The following DIP2B variants were observed in gnomAD, a reference collection of about 807,000 sequenced individuals.
DIP2B encodes DIP2 acetate--CoA ligase B (putative).
DIP2B carries 76 observed loss-of-function variants against 198.0 expected under a neutral mutation model. The observed-to-expected ratio is 0.38, with a 90% confidence interval of 0.32 to 0.46. DIP2B has a LOEUF of 0.46. DIP2B is among the 20% of genes least tolerant of loss of function. DIP2B has a pLI of 0.99. For synonymous variants in DIP2B, 701 were observed against 739.1 expected (o/e 0.95, Z 0.84); for missense variants, 1,559 against 1,978.4 (o/e 0.79, Z 4.02).
rs1195681263 is a variant in DIP2B at position 50,505,098 on chromosome 12, G to C, written c.-43G>C. 1 of 1,513,344 alleles carries C rather than the reference G, an allele frequency of 6.6e-7. No homozygotes were observed. Among genetic ancestry groups the C allele is most frequent in the Admixed American group, 2.0e-5 (1 of 50,516 alleles). The allele number at this position is 1,513,344 out of a possible 1,614,324, so 93.7% of individuals were successfully genotyped here. On this transcript the variant is annotated 5_prime_UTR_variant, in exon 1 of 38. Coordinates refer to ENST00000301180, the MANE Select transcript of DIP2B (RefSeq NM_173602.3). ...GCCCGTGTCTGTCCGTCCCTCCTTC[G>C]GCCCCCTCTCTTGTCTTCCGGAGTG...
chr12:50,699,658 A>G (rs1484606736), intron 19 of DIP2B, among the ~76,000 whole-genome samples: 1 of 152,094 alleles, frequency 6.6e-6, no homozygotes, highest in South Asian at 2.1e-4. Context: ...CAGGCAATGT[A>G]GCAATGTAGC....
intron 19 of DIP2B, among the ~76,000 whole-genome samples, chr12:50,703,388 A>G (rs1009705882): frequency 3.9e-5 from 6 of 152,136 alleles, no homozygotes; most frequent in African/African-American, 1.4e-4. Context: ...AATGGATACG[A>G]CAGTTTTATA....
At chr12:50,527,952 G>C (rs1728343358) in intron 1 of DIP2B, among the ~76,000 whole-genome samples, 1 of 145,810 alleles carries the variant, frequency 6.9e-6, no homozygotes, top group South Asian at 2.1e-4. Flanking sequence ...TTTGGAGACA[G>C]AGTCTTAGTC....
intron 1 of DIP2B, among the ~76,000 whole-genome samples, chr12:50,616,829 T>C (rs1937708841): frequency 6.6e-6 from 1 of 152,222 alleles, no homozygotes; most frequent in Admixed American, 6.5e-5. Context: ...AATATAATAA[T>C]GAAATTTTTG....
chr12:50,609,000 G>A (rs1177828084), intron 1 of DIP2B, among the ~76,000 whole-genome samples: 1 of 152,106 alleles, frequency 6.6e-6, no homozygotes, highest in Admixed American at 6.5e-5. Context: ...AAATTAGCCA[G>A]GTGTGCTGAT....
At chr12:50,690,531 A>C (rs1453736494) in intron 12 of DIP2B, among the ~76,000 whole-genome samples, 2 of 152,202 alleles carry the variant, frequency 1.3e-5, no homozygotes, top group Non-Finnish European at 2.9e-5. Flanking sequence ...TAAAAGAAAG[A>C]AAGAAAGGAA....
At chr12:50,611,882 T>A (rs1161835013) in intron 1 of DIP2B, among the ~76,000 whole-genome samples, 1 of 152,052 alleles carries the variant, frequency 6.6e-6, no homozygotes, top group Non-Finnish European at 1.5e-5. Flanking sequence ...TGTCTTTATG[T>A]CTAGGTGCAA....
At chr12:50,544,511 T>C (rs1958358262) in intron 1 of DIP2B, among the ~76,000 whole-genome samples, 1 of 152,210 alleles carries the variant, frequency 6.6e-6, no homozygotes, top group South Asian at 2.1e-4. Context: ...TTTCACCATG[T>C]TGGCCAGGCT....
At chr12:50,588,042 G>T (rs995914917) in intron 1 of DIP2B, among the ~76,000 whole-genome samples, 8 of 152,110 alleles carry the variant, frequency 5.3e-5, no homozygotes, top group African/African-American at 1.9e-4. Flanking sequence ...AGCAAAGCTA[G>T]ACTTAAATGC....
At position 50,739,480 on chromosome 12, in the gene DIP2B, T is replaced by A. The variant is rs1191953891; in HGVS notation, c.4248T>A (p.Asp1416Glu). The change falls in exon 36 of 38, where the codon GAT (aspartate) becomes GAA (glutamate). Residue 1416 changes from aspartate (D) to glutamate (E), a missense_variant. Coordinates refer to ENST00000301180, the MANE Select transcript of DIP2B (RefSeq NM_173602.3). ...TIYDSETLQA[D>E]HFNTRLSFGD... Reference sequence around the variant, plus strand: ...ATGATAGCGAGACTCTTCAAGCTGATCATTTCAACACTCGCCTCAGCTTTG... The same window carrying A: ...ATGATAGCGAGACTCTTCAAGCTGAACATTTCAACACTCGCCTCAGCTTTG... 6.2e-7 allele frequency: 1 copy of A among 1,614,198 alleles called. No individual in the cohort carries two copies. The highest frequency in any genetic ancestry group is 1.3e-5 in the African/African-American group (1 of 75,048).
intron 25 of DIP2B, 141 bp from the exon 26 acceptor site, chr12:50,721,132 A>G: frequency 1.5e-6 from 2 of 1,296,200 alleles, no homozygotes; most frequent in Non-Finnish European, 2.1e-6. Context: ...ATGCTAAGGG[A>G]ATTTTCACTA....
intron 1 of DIP2B, among the ~76,000 whole-genome samples, chr12:50,549,156 A>G (rs189853810): frequency 6.7e-4 from 101 of 151,042 alleles, no homozygotes; most frequent in African/African-American, 2.4e-3. Flanking sequence ...CAGGGACGAA[A>G]GTGGGGGCTG....
chr12:50,664,829 GGTTTTTGTTTTTTTTTTT>G lies in DIP2B; in HGVS notation c.427+4511_427+4528del, dbSNP rs1565863596. Among the ~76,000 whole-genome samples the G allele has an allele frequency of 9.8e-3, 50 of 5,094 alleles. 1 individual carries two copies. The highest frequency in any genetic ancestry group is 0.015 in the African/African-American group (44 of 2,946). 3.3% of individuals were successfully genotyped at this position (5,094 alleles called of 152,430 possible). A position where few individuals can be genotyped will look rare whatever the true frequency, so the allele number is the denominator to read the frequency against. ...ACAAGGAGAATTTCCCTCCTTTTTT[GGTTTTTGTTTTTTTTTTT>G]TTTTTTTTTTTTTTTTTTTTTTTTT... On this transcript the variant is annotated intron_variant, in intron 4 of 37. Transcript: ENST00000301180.
chr12:50,525,085 C>T (rs753682746), intron 1 of DIP2B, among the ~76,000 whole-genome samples: 19 of 151,248 alleles, frequency 1.3e-4, no homozygotes, highest in African/African-American at 3.9e-4. Flanking sequence ...AGGCTGGGCA[C>T]GGTGGCTCAC....
At chr12:50,632,478 CAAA>C (rs756895459) in intron 2 of DIP2B, among the ~76,000 whole-genome samples, 5 of 74,630 alleles carry the variant, frequency 6.7e-5, no homozygotes, top group African/African-American at 5.2e-5. Flanking sequence ...GACTCTGTCT[CAAA>C]AAAAAAAAAA....
At chr12:50,639,401 G>A (rs1938215266) in intron 2 of DIP2B, among the ~76,000 whole-genome samples, 1 of 152,036 alleles carries the variant, frequency 6.6e-6, no homozygotes, top group South Asian at 2.1e-4. Flanking sequence ...TGGATGGCTG[G>A]GCTCAGCCGG....
At position 50,717,896 on chromosome 12, in the gene DIP2B, CTTT is replaced by C. The variant is rs60627093; in HGVS notation, c.2852-793_2852-791del. The stretch of plus-strand genomic sequence containing the variant: ...AGCCACCGTTCCTGGCCATTATTCA[CTTT>C]TTTTTTTTTTTTTTTTTTTGAGATG... On this transcript the variant is annotated intron_variant, in intron 23 of 37. Coordinates refer to ENST00000301180, the MANE Select transcript of DIP2B (RefSeq NM_173602.3). 3.4e-5 allele frequency among the ~76,000 whole-genome samples: 3 copies of C among 87,062 alleles called. No homozygotes were observed. The East Asian group carries it at 9.9e-4, about 29-fold the overall frequency. The allele number at this position is 87,062 out of a possible 152,430, so 57.1% of individuals were successfully genotyped here. A position where few individuals can be genotyped will look rare whatever the true frequency, so the allele number is the denominator to read the frequency against.
At chr12:50,595,045 A>G (rs1473149364) in intron 1 of DIP2B, among the ~76,000 whole-genome samples, 3 of 152,204 alleles carry the variant, frequency 2.0e-5, no homozygotes, top group Non-Finnish European at 4.4e-5. Flanking sequence ...ACTTTGAATA[A>G]CATGATATGT....
chr12:50,508,768 C>T (rs937447414), intron 1 of DIP2B, among the ~76,000 whole-genome samples: 3 of 150,604 alleles, frequency 2.0e-5, no homozygotes, highest in South Asian at 2.1e-4. Flanking sequence ...TGAAATGGTG[C>T]GATCTCAGCT....
Sources: gnomAD v4.1 joint callset for allele counts (sites outside exome capture counted in the v4.1 genomes callset) on GRCh38, gnomAD v4.1.1 for gene constraint, MANE v1.5 for transcripts, NCBI Gene and HGNC (gene_info 2026-07-23, HGNC 2026-07-21) for gene names.